Variants in CDK13 observed in about 807,000 individuals in gnomAD.
CDK13 encodes the protein cyclin dependent kinase 13.
CDK13 carries 40 observed loss-of-function variants against 137.6 expected under a neutral mutation model. The observed-to-expected ratio is 0.29, with a 90% CI of 0.23 to 0.38. The LOEUF (loss-of-function observed/expected upper bound fraction) is 0.38, where lower values mean the gene tolerates loss of function less well. Among genes scored for constraint, CDK13 ranks in the 10% least tolerant of loss-of-function variants. The probability of loss-of-function intolerance (pLI) is 1.00; values close to 1 mark genes in which losing one functional copy is unlikely to be tolerated. For missense variants in CDK13, 1,704 were observed against 1,951.8 expected, an observed-to-expected ratio of 0.87 and a Z score of 2.39; for synonymous variants, 869 against 760.1, an observed-to-expected ratio of 1.14 and a Z score of -2.36.
At chr7:40,043,921 G>A (rs1332244252) in intron 5 of CDK13, among the ~76,000 whole-genome samples, 1 of 139,364 alleles carries the variant, frequency 7.2e-6, no homozygotes, top group African/African-American at 2.6e-5. Flanking sequence ...TTTTGAGATG[G>A]AATCTTGCTC....
chr7:40,056,123 T>C (rs1302627944), intron 7 of CDK13, among the ~76,000 whole-genome samples: 1 of 152,196 alleles, frequency 6.6e-6, no homozygotes, highest in African/African-American at 2.4e-5. Context: ...CTTATTCTCT[T>C]CTGACTCCAC....
chr7:39,965,074 G>A (rs1783837534), intron 1 of CDK13, among the ~76,000 whole-genome samples: 2 of 152,208 alleles, frequency 1.3e-5, no homozygotes, highest in Non-Finnish European at 2.9e-5. Context: ...TAGGTGTGGT[G>A]TGGTGCTGAA....
At chr7:40,030,894 C>G (rs774955020) in intron 5 of CDK13, among the ~76,000 whole-genome samples, 14 of 152,104 alleles carry the variant, frequency 9.2e-5, no homozygotes, top group Non-Finnish European at 2.9e-5. Context: ...ATGGGTGTAC[C>G]ACAGTTCGTT....
chr7:40,062,346 C>T (rs552046935), intron 7 of CDK13: 48 of 153,752 alleles, frequency 3.1e-4, no homozygotes, highest in African/African-American at 1.0e-3. Context: ...AGTGCAGTGA[C>T]GCTATCTTGG....
chr7:39,993,777 T>C (rs1784509637), intron 2 of CDK13, among the ~76,000 whole-genome samples: 1 of 152,112 alleles, frequency 6.6e-6, no homozygotes, highest in Non-Finnish European at 1.5e-5. Context: ...ATATTAATAT[T>C]TTGTGTATAT....
intron 5 of CDK13, among the ~76,000 whole-genome samples, chr7:40,033,164 C>G (rs1785414876): frequency 6.6e-6 from 1 of 152,132 alleles, no homozygotes; most frequent in Non-Finnish European, 1.5e-5. Flanking sequence ...CCATGTTGGC[C>G]TGGCTGATCT....
intron 2 of CDK13, among the ~76,000 whole-genome samples, chr7:39,996,720 T>TG (rs1284317183): frequency 6.6e-6 from 1 of 152,086 alleles, no homozygotes; most frequent in African/African-American, 2.4e-5. Context: ...AGCTGAGCGT[T>TG]GTGAGGCCAA....
chr7:40,023,136 A>ACCCG (rs1785162869), intron 5 of CDK13, among the ~76,000 whole-genome samples: 1 of 148,724 alleles, frequency 6.7e-6, no homozygotes, highest in African/African-American at 2.5e-5. Flanking sequence ...TCTGTTGACC[A>ACCCG]GGCTGCAGTG....
At chr7:40,088,797 G>T (rs1356465549) in intron 12 of CDK13, among the ~76,000 whole-genome samples, 1 of 151,818 alleles carries the variant, frequency 6.6e-6, no homozygotes, top group African/African-American at 2.4e-5. Flanking sequence ...TTAAAGATTG[G>T]GGCCAGGCAT....
intron 5 of CDK13, among the ~76,000 whole-genome samples, chr7:40,027,230 A>G (rs997114870): frequency 1.3e-5 from 2 of 152,098 alleles, no homozygotes; most frequent in East Asian, 1.9e-4. Flanking sequence ...CTGTAATCCC[A>G]GTTACTCAGG....
intron 1 of CDK13, among the ~76,000 whole-genome samples, chr7:39,958,656 TGTTTG>T (rs1787502219): frequency 6.6e-6 from 1 of 152,212 alleles, no homozygotes; most frequent in Non-Finnish European, 1.5e-5. Context: ...TAGCATAAAT[TGTTTG>T]GCTGAATCCA....
intron 5 of CDK13, among the ~76,000 whole-genome samples, chr7:40,007,777 C>A (rs185274606): frequency 6.6e-6 from 1 of 152,236 alleles, no homozygotes; most frequent in African/African-American, 2.4e-5. Context: ...CTTATTCTTA[C>A]TGTATTTCTG....
At chr7:40,024,655 T>TGG (rs1785204401) in intron 5 of CDK13, among the ~76,000 whole-genome samples, 1 of 119,522 alleles carries the variant, frequency 8.4e-6, no homozygotes, top group Non-Finnish European at 1.7e-5. Context: ...GTTTTTTTTT[T>TGG]TTTTTTTTTT....
intron 5 of CDK13, among the ~76,000 whole-genome samples, chr7:40,018,950 T>C (rs908954817): frequency 6.6e-6 from 1 of 152,232 alleles, no homozygotes; most frequent in Non-Finnish European, 1.5e-5. Flanking sequence ...CATTGTATTG[T>C]TTATAATAAC....
chr7:40,017,610 T>G (rs1785029502), intron 5 of CDK13, among the ~76,000 whole-genome samples: 1 of 152,084 alleles, frequency 6.6e-6, no homozygotes, highest in Non-Finnish European at 1.5e-5. Flanking sequence ...AGAGAGATAC[T>G]AAAATACAGA....
intron 2 of CDK13, among the ~76,000 whole-genome samples, chr7:39,990,650 G>A (rs1784437433): frequency 6.6e-6 from 1 of 152,106 alleles, no homozygotes; most frequent in African/African-American, 2.4e-5. Context: ...ATTTGTTAGT[G>A]GGCTGTAGTA....
chr7:39,995,606 AT>A (rs1246550468), intron 2 of CDK13, among the ~76,000 whole-genome samples: 2 of 152,226 alleles, frequency 1.3e-5, no homozygotes, highest in African/African-American at 4.8e-5. Context: ...TTGTTGTTAA[AT>A]TTCCAGTGCC....
chr7:40,090,618 C>T (rs554594005), intron 12 of CDK13, among the ~76,000 whole-genome samples: 1 of 151,818 alleles, frequency 6.6e-6, no homozygotes, highest in South Asian at 2.1e-4. Context: ...GGTGTGGTGG[C>T]TCATGCCCGT....
intron 11 of CDK13, among the ~76,000 whole-genome samples, chr7:40,083,991 A>G (rs1418455226): frequency 1.3e-5 from 2 of 152,356 alleles, no homozygotes; most frequent in East Asian, 1.9e-4. Context: ...AGGTGTATCA[A>G]ACTCTTTTGA....
Sources: gnomAD v4.1 joint callset for allele counts (sites outside exome capture counted in the v4.1 genomes callset) on GRCh38, gnomAD v4.1.1 for gene constraint, MANE v1.5 for transcripts, NCBI Gene and HGNC (gene_info 2026-07-23, HGNC 2026-07-21) for gene names.